PPP1R9A: variants seen among roughly 807,000 people sequenced by gnomAD.
The protein encoded by PPP1R9A is neurabin-1.
Under a neutral mutation model 141.9 loss-of-function variants are expected in PPP1R9A, and 59 were observed. The observed-to-expected ratio is 0.42, with a 90% CI of 0.34 to 0.52. The LOEUF (loss-of-function observed/expected upper bound fraction) is 0.52. Ranked by LOEUF, PPP1R9A falls within the 20% of genes least tolerant of loss-of-function variation. The probability of loss-of-function intolerance (pLI) is 0.10; values close to 1 mark genes in which losing one functional copy is unlikely to be tolerated. For missense variants in PPP1R9A, 1,444 were observed against 1,611.9 expected (o/e 0.90, Z 1.78); for synonymous variants, 500 against 569.7 (o/e 0.88, Z 1.74).
intron 19 of PPP1R9A, 55 bp downstream of exon 19, chr7:95,288,773 T>C: frequency 6.4e-6 from 10 of 1,570,484 alleles, no homozygotes; most frequent in Non-Finnish European, 8.6e-6. Context: ...ATTACTCATA[T>C]CACCTAAAAT....
intron 4 of PPP1R9A, among the ~76,000 whole-genome samples, chr7:95,158,921 G>A (rs1563330964): frequency 6.6e-6 from 1 of 152,184 alleles, no homozygotes; most frequent in East Asian, 1.9e-4. Context: ...ATGATTGGCA[G>A]TACTTAAAGG....
At chr7:95,100,495 T>G (rs1818622050) in intron 2 of PPP1R9A, among the ~76,000 whole-genome samples, 1 of 152,210 alleles carries the variant, frequency 6.6e-6, no homozygotes, top group Non-Finnish European at 1.5e-5. Context: ...TCCAGTATCT[T>G]TACCACATAC....
intron 2 of PPP1R9A, among the ~76,000 whole-genome samples, chr7:95,085,784 A>G (rs987254337): frequency 1.3e-5 from 2 of 152,016 alleles, no homozygotes; most frequent in African/African-American, 2.4e-5. Flanking sequence ...TTCACTTGGT[A>G]TATGTTTCCT....
intron 2 of PPP1R9A, among the ~76,000 whole-genome samples, chr7:94,979,873 G>GTA (rs1175743851): frequency 6.6e-6 from 1 of 152,132 alleles, no homozygotes; most frequent in Non-Finnish European, 1.5e-5. Flanking sequence ...GAATGGTTGA[G>GTA]TATATGTTAC....
chr7:95,035,727 G>A (rs981229025), intron 2 of PPP1R9A: 78 of 152,278 alleles, frequency 5.1e-4, no homozygotes, highest in African/African-American at 1.8e-3. Flanking sequence ...ACAAAATCAA[G>A]TCTGGTCAAT....
At chr7:95,193,691 C>G (rs1329030628) in intron 5 of PPP1R9A, among the ~76,000 whole-genome samples, 2 of 151,796 alleles carry the variant, frequency 1.3e-5, no homozygotes, top group Non-Finnish European at 2.9e-5. Flanking sequence ...ATTATATAAC[C>G]TGTTATAATC....
In PPP1R9A at chr7:94,995,810, A is replaced by C. The variant is rs28861830; in HGVS notation, c.1395+84302A>C. 7.2e-3 allele frequency among the ~76,000 whole-genome samples: 1,102 copies of C among 152,220 alleles called. 11 individuals carry two copies. Among genetic ancestry groups the C allele is most frequent in the African/African-American group, 0.025 (1,035 of 41,558 alleles). On this transcript the variant is annotated intron_variant, in intron 2 of 19. Transcript: ENST00000433360. ...TTGATTTTTCTCAGCATTATTGTTCAAACTTTCTTGCTTCTTTACATTTCT... is the reference window on the plus strand; with the variant it reads ...TTGATTTTTCTCAGCATTATTGTTCCAACTTTCTTGCTTCTTTACATTTCT...
At position 95,236,335 on chromosome 7, in the gene PPP1R9A, G is replaced by A. The variant is rs143569799; in HGVS notation, c.2112+10219G>A. ...ATTCAGCATATTAAAGGTAATGACA[G>A]AAACCACAATTACTTTTGCACTAAC... On this transcript the variant is annotated intron_variant, in intron 8 of 19. Coordinates refer to ENST00000433360, the MANE Select transcript of PPP1R9A (RefSeq NM_001166160.2). Among the ~76,000 whole-genome samples the A allele has an allele frequency of 4.3e-3, 650 of 152,142 alleles. 4 individuals are homozygous for A. The highest frequency in any genetic ancestry group is 0.014 in the African/African-American group (586 of 41,536).
intron 2 of PPP1R9A, among the ~76,000 whole-genome samples, chr7:95,044,364 T>A (rs1809686780): frequency 6.6e-6 from 1 of 152,098 alleles, no homozygotes; most frequent in Non-Finnish European, 1.5e-5. Context: ...TAATTGAAGT[T>A]TAAAAGAAAA....
At chr7:95,110,256 T>C (rs557638639) in intron 2 of PPP1R9A, among the ~76,000 whole-genome samples, 5 of 152,334 alleles carry the variant, frequency 3.3e-5, no homozygotes, top group Admixed American at 6.5e-5. Flanking sequence ...GCCAGCTTTG[T>C]AGGAAATAGA....
At chr7:95,199,669 GATTTA>G (rs1789095730) in intron 6 of PPP1R9A, among the ~76,000 whole-genome samples, 1 of 151,964 alleles carries the variant, frequency 6.6e-6, no homozygotes, top group Non-Finnish European at 1.5e-5. Flanking sequence ...CTTAGAACTT[GATTTA>G]ATTTATTTTC....
At chr7:95,006,226 T>G (rs1295341400) in intron 2 of PPP1R9A, among the ~76,000 whole-genome samples, 1 of 151,294 alleles carries the variant, frequency 6.6e-6, no homozygotes, top group Non-Finnish European at 1.5e-5. Context: ...ATTTATTTAT[T>G]TATTTATTTG....
At chr7:95,075,394 GAACCCAGGAATCA>G (rs945035261) in intron 2 of PPP1R9A, among the ~76,000 whole-genome samples, 1 of 152,098 alleles carries the variant, frequency 6.6e-6, no homozygotes, top group African/African-American at 2.4e-5. Context: ...TCAGAGTCTA[GAACCCAGGAATCA>G]AACTAAAGAC....
At chr7:95,074,778 G>A (rs1301711863) in intron 2 of PPP1R9A, among the ~76,000 whole-genome samples, 1 of 151,938 alleles carries the variant, frequency 6.6e-6, no homozygotes, top group Non-Finnish European at 1.5e-5. Flanking sequence ...CCGGCCCAAA[G>A]ACTACATATT....
At chr7:94,924,752 A>G (rs1372502152) in intron 2 of PPP1R9A, among the ~76,000 whole-genome samples, 1 of 151,144 alleles carries the variant, frequency 6.6e-6, no homozygotes, top group Non-Finnish European at 1.5e-5. Context: ...CTGGTCTCAA[A>G]CTCCTGACCT....
At position 95,258,669 on chromosome 7, in the gene PPP1R9A, A is replaced by G. The variant is rs529924451; in HGVS notation, c.2665+6539A>G. Among the ~76,000 whole-genome samples the G allele has an allele frequency of 2.6e-5, 4 of 152,292 alleles. No homozygotes were observed. In the South Asian group the frequency reaches 6.2e-4, roughly 24 times the overall value. ...TAAGAACTCACATAAATCATAAGAA[A>G]AACACAACCAACATAGTAGAAAAAT... On this transcript the variant is annotated intron_variant, in intron 12 of 19. Coordinates refer to ENST00000433360, the MANE Select transcript of PPP1R9A (RefSeq NM_001166160.2).
chr7:95,226,283 T>C (rs1341210018), intron 8 of PPP1R9A, among the ~76,000 whole-genome samples, 167 bp downstream of exon 8: 2 of 152,176 alleles, frequency 1.3e-5, no homozygotes, highest in East Asian at 3.9e-4. Flanking sequence ...GTAGATCTCG[T>C]TCCACGGTCA....
intron 3 of PPP1R9A, among the ~76,000 whole-genome samples, chr7:95,115,916 CAAA>C (rs746135056): frequency 1.0e-4 from 6 of 60,212 alleles, no homozygotes; most frequent in Non-Finnish European, 1.1e-4. Flanking sequence ...GACTCTGTCT[CAAA>C]AAAAAAAAAA....
rs1802678873 is a variant in PPP1R9A, at chr7:95,273,969, G to A, written c.3195G>A (p.Arg1065=). 1.3e-5 allele frequency: 20 copies of A among 1,504,586 alleles called. No individual in the cohort carries two copies. The highest frequency in any genetic ancestry group is 1.8e-5 in the Non-Finnish European group (20 of 1,094,902). 93.2% of individuals were successfully genotyped at this position (1,504,586 alleles called of 1,614,324 possible). A position where few individuals can be genotyped will look rare whatever the true frequency, so the allele number is the denominator to read the frequency against. Residue 1065 remains arginine, a synonymous_variant, in exon 15 of 20, where the codon CGG becomes CGA. Transcript: ENST00000433360. ...CGGTGCAAGGAGGAAAAATTAAGCG[G>A]AAGTTTGTGGATCTGGGGTAAGCAC... ...SLAVQGGKIK[R]KFVDLGAPLR... is the part of the protein sequence containing the mutation.
Sources: allele counts gnomAD v4.1 joint callset (sites outside exome capture counted in the v4.1 genomes callset), GRCh38; gene constraint gnomAD v4.1.1; transcripts MANE v1.5; gene names NCBI Gene and HGNC (gene_info 2026-07-23, HGNC 2026-07-21).